Variants in TDRD3 observed in about 807,000 individuals in gnomAD.
TDRD3 encodes the protein tudor domain containing 3.
Under a neutral mutation model 86.7 loss-of-function variants are expected in TDRD3, and 45 were observed. The observed-to-expected ratio is 0.52, with a 90% confidence interval of 0.41 to 0.67. The LOEUF (loss-of-function observed/expected upper bound fraction) is 0.67, where lower values mean the gene tolerates loss of function less well. TDRD3 is among the 30% of genes least tolerant of loss of function. The pLI, the probability that TDRD3 is intolerant of heterozygous loss-of-function variation, is 0.00. For synonymous variants in TDRD3, 298 were observed against 301.7 expected, an observed-to-expected ratio of 0.99 and a Z score of 0.13; for missense variants, 814 against 889.0, an observed-to-expected ratio of 0.92 and a Z score of 1.07.
chr13:60,529,400 C>G (rs1348782490), intron 11 of TDRD3, among the ~76,000 whole-genome samples, 183 bp downstream of exon 11: 1 of 152,044 alleles, frequency 6.6e-6, no homozygotes, highest in Non-Finnish European at 1.5e-5. Flanking sequence ...TTATGGATGC[C>G]TAGGGACAAT....
chr13:60,532,285 G>C lies in TDRD3; in HGVS notation c.1993-2823G>C, dbSNP rs114551258. ...TGGAGCATTCTTAGGGTAACTGAAT[G>C]ATCTTCTACGATGGCTACTTTGATT... On this transcript the variant is annotated intron_variant, in intron 11 of 13. Coordinates refer to ENST00000377881, the MANE Select transcript of TDRD3 (RefSeq NM_001146070.2). Among the ~76,000 whole-genome samples the C allele has an allele frequency of 2.3e-3, 357 of 152,236 alleles. 3 individuals are homozygous for C. The highest frequency in any genetic ancestry group is 8.3e-3 in the African/African-American group (343 of 41,540).
At chr13:60,429,252 T>G (rs1225133254) in intron 1 of TDRD3, among the ~76,000 whole-genome samples, 2 of 152,166 alleles carry the variant, frequency 1.3e-5, no homozygotes, top group Non-Finnish European at 2.9e-5. Flanking sequence ...TTCATTTTAA[T>G]GTACAGGGAA....
At chr13:60,455,991 A>G (rs1313888910) in intron 3 of TDRD3, among the ~76,000 whole-genome samples, 1 of 148,884 alleles carries the variant, frequency 6.7e-6, no homozygotes, top group African/African-American at 2.5e-5. Flanking sequence ...AATCACTTGA[A>G]CCTGGGAGGC....
chr13:60,485,299 A>C (rs1177631210), intron 6 of TDRD3, among the ~76,000 whole-genome samples: 1 of 152,146 alleles, frequency 6.6e-6, no homozygotes, highest in East Asian at 1.9e-4. Flanking sequence ...AAAATATAAA[A>C]ACTTTGAAGC....
At chr13:60,523,826 C>A (rs1396354953) in intron 10 of TDRD3, among the ~76,000 whole-genome samples, 3 of 152,234 alleles carry the variant, frequency 2.0e-5, no homozygotes, top group East Asian at 3.9e-4. Flanking sequence ...ATCCACCCAC[C>A]TTGGCATCCC....
chr13:60,537,482 A>T (rs1957723849), intron 12 of TDRD3: 1 of 152,108 alleles, frequency 6.6e-6, no homozygotes, highest in Admixed American at 6.5e-5. Flanking sequence ...GAATTCTCTT[A>T]GCCCCTGAGA....
At chr13:60,461,433 T>G (rs558652761) in intron 4 of TDRD3, among the ~76,000 whole-genome samples, 83 of 152,258 alleles carry the variant, frequency 5.5e-4, no homozygotes, top group East Asian at 1.5e-3. Flanking sequence ...CCTCTATTCT[T>G]GATATTTCCA....
intron 5 of TDRD3, among the ~76,000 whole-genome samples, chr13:60,475,137 A>G (rs929715503): frequency 2.0e-5 from 3 of 151,434 alleles, no homozygotes; most frequent in Admixed American, 1.3e-4. Context: ...GCTTCTTAAC[A>G]TGGGTAAATT....
chr13:60,547,436 T>A, intron 12 of TDRD3: 1 of 984,768 alleles, frequency 1.0e-6, no homozygotes, highest in Non-Finnish European at 1.2e-6. Context: ...ACAGGAGGAG[T>A]CAGAAGACCT....
At chr13:60,462,032 T>C (rs558502971) in intron 4 of TDRD3, among the ~76,000 whole-genome samples, 9 of 152,328 alleles carry the variant, frequency 5.9e-5, no homozygotes, top group African/African-American at 1.9e-4. Context: ...TGTCTGCCTC[T>C]GGTAAATGAG....
rs76903991 is a variant in TDRD3, at chr13:60,528,447, A to G, written c.1222A>G (p.Asn408Asp). The change falls in exon 11 of 14, where the codon AAT (asparagine) becomes GAT (aspartate). Residue 408 changes from asparagine (N) to aspartate (D), a missense_variant. By Grantham distance (23) the Asn-to-Asp change is conservative. Coordinates refer to ENST00000377881, the MANE Select transcript of TDRD3 (RefSeq NM_001146070.2). ...TGAGCAAAATGGAGTAAAAGATAATAATCATCTGAGACATCCTCCTCGAAA... is the reference window on the plus strand; with the variant it reads ...TGAGCAAAATGGAGTAAAAGATAATGATCATCTGAGACATCCTCCTCGAAA... ...NTEQNGVKDN[N>D]HLRHPPRNDT... is the part of the protein sequence containing the mutation. 6.3e-7 allele frequency: 1 copy of G among 1,597,056 alleles called. No individual in the cohort carries two copies. The highest frequency in any genetic ancestry group is 8.6e-7 in the Non-Finnish European group (1 of 1,166,292).
intron 10 of TDRD3, among the ~76,000 whole-genome samples, chr13:60,528,159 A>G (rs1054794845): frequency 2.6e-5 from 4 of 152,142 alleles, no homozygotes; most frequent in Non-Finnish European, 5.9e-5. Flanking sequence ...ACTTTACTTT[A>G]TTAATGTTGC....
At chr13:60,441,032 T>A (rs949172308) in intron 2 of TDRD3, among the ~76,000 whole-genome samples, 14 of 152,168 alleles carry the variant, frequency 9.2e-5, no homozygotes, top group African/African-American at 2.9e-4. Flanking sequence ...TGAATTTTAC[T>A]TAACAAGACA....
chr13:60,568,529 A>T (rs1447639031), intron 13 of TDRD3, among the ~76,000 whole-genome samples: 1 of 152,230 alleles, frequency 6.6e-6, no homozygotes. Flanking sequence ...ACACTTATAA[A>T]ATAAGCTCAG....
chr13:60,469,435 T>TAC (rs111428413), intron 5 of TDRD3, among the ~76,000 whole-genome samples: 5,268 of 135,684 alleles, frequency 0.039, 228 homozygotes, highest in African/African-American at 0.1. Context: ...CACACACACA[T>TAC]ACACACACAC....
At chr13:60,494,021 A>G (rs925526619) in intron 7 of TDRD3, among the ~76,000 whole-genome samples, 1 of 152,212 alleles carries the variant, frequency 6.6e-6, no homozygotes, top group African/African-American at 2.4e-5. Context: ...CAATCATAAT[A>G]CTGAACTATG....
rs1315692214 is a variant in TDRD3, at chr13:60,439,744, T to C, written c.98T>C (p.Val33Ala). Residue 33 changes from valine (V) to alanine (A), a missense_variant, in exon 2 of 14, where the codon GTA becomes GCA. Transcript: ENST00000377881. ...ACTSSPDKVN[V>A]NDIILIALNT... ...ACAAGCTCTCCAGACAAAGTCAATG[T>C]AAATGACATCATCCTGATTGCTCTC... 4 of 1,544,260 alleles carry C rather than the reference T, an allele frequency of 2.6e-6. No homozygotes were observed. Among genetic ancestry groups the C allele is most frequent in the Non-Finnish European group, 3.5e-6 (4 of 1,144,644 alleles).
intron 5 of TDRD3, among the ~76,000 whole-genome samples, chr13:60,469,864 T>C (rs1163378250): frequency 6.6e-6 from 1 of 152,218 alleles, no homozygotes; most frequent in Non-Finnish European, 1.5e-5. Context: ...TTAAAAAATG[T>C]TTTTATTGTG....
intron 7 of TDRD3, among the ~76,000 whole-genome samples, chr13:60,486,421 G>A (rs576932383): frequency 6.6e-6 from 1 of 152,128 alleles, no homozygotes; most frequent in South Asian, 2.1e-4. Context: ...ATTTTATTTA[G>A]TGTATAGTAA....
Sources: allele counts gnomAD v4.1 joint callset (sites outside exome capture counted in the v4.1 genomes callset), GRCh38; gene constraint gnomAD v4.1.1; transcripts MANE v1.5; gene names NCBI Gene and HGNC (gene_info 2026-07-23, HGNC 2026-07-21).